ASTN2: variants seen among roughly 807,000 people sequenced by gnomAD.
ASTN2 encodes the protein astrotactin 2.
ASTN2 carries 54 observed loss-of-function variants against 139.8 expected under a neutral mutation model. The ratio of observed to expected loss-of-function variants is 0.39; its 90% confidence interval spans 0.31 to 0.48. ASTN2 has a LOEUF of 0.48. ASTN2 is among the 20% of genes least tolerant of loss of function. The pLI is 0.95. For synonymous variants in ASTN2, 756 were observed against 719.5 expected (o/e 1.05, Z -0.81); for missense variants, 1,565 against 1,725.1 (o/e 0.91, Z 1.64).
intron 16 of ASTN2, among the ~76,000 whole-genome samples, chr9:116,676,921 T>TA (rs1026603179): frequency 6.6e-6 from 1 of 152,156 alleles, no homozygotes; most frequent in African/African-American, 2.4e-5. Flanking sequence ...CTAAATCTTG[T>TA]AAAAAAGAAA....
intron 2 of ASTN2, among the ~76,000 whole-genome samples, chr9:117,266,059 A>G (rs1337767780): frequency 6.6e-6 from 1 of 152,206 alleles, no homozygotes; most frequent in Non-Finnish European, 1.5e-5. Context: ...ACCTACCCAG[A>G]TCCCTAGGTT....
chr9:117,166,945 T>C (rs1830683305), intron 3 of ASTN2, among the ~76,000 whole-genome samples: 1 of 152,174 alleles, frequency 6.6e-6, no homozygotes, highest in Non-Finnish European at 1.5e-5. Context: ...CTTCCTGCCA[T>C]ACTGGGCTGG....
intron 13 of ASTN2, among the ~76,000 whole-genome samples, chr9:116,772,794 A>C (rs1252246674): frequency 6.6e-6 from 1 of 152,174 alleles, no homozygotes; most frequent in East Asian, 1.9e-4. Flanking sequence ...GGCTGCAGTC[A>C]TCAGGACCTG....
rs1338555273 is a variant in ASTN2 at position 116,424,367 on chromosome 9, A to G, written c.*1484T>C. The stretch of plus-strand genomic sequence containing the variant: ...CCTGTAGTGAGAATGATTTTCTTAA[A>G]GAGTAAGTTGACTATTTAGTCATAT... On this transcript the variant is annotated 3_prime_UTR_variant, in exon 23 of 23. Coordinates refer to ENST00000313400, the MANE Select transcript of ASTN2 (RefSeq NM_001365068.1). 2.0e-5 allele frequency among the ~76,000 whole-genome samples: 3 copies of G among 150,488 alleles called. No individual in the cohort carries two copies. Among genetic ancestry groups the G allele is most frequent in the African/African-American group, 7.3e-5 (3 of 41,284 alleles).
chr9:116,857,407 C>T (rs1832768914), intron 11 of ASTN2, among the ~76,000 whole-genome samples: 2 of 152,292 alleles, frequency 1.3e-5, no homozygotes, highest in South Asian at 4.2e-4. Flanking sequence ...CAAGATTATG[C>T]TGCAATCCTG....
At chr9:117,398,868 G>A (rs929487828) in intron 1 of ASTN2, among the ~76,000 whole-genome samples, 2 of 152,092 alleles carry the variant, frequency 1.3e-5, no homozygotes, top group Non-Finnish European at 2.9e-5. Context: ...TGCAGCCTCC[G>A]CCTCCCGGGT....
chr9:116,817,839 C>T (rs777302200), intron 12 of ASTN2, among the ~76,000 whole-genome samples: 3 of 152,154 alleles, frequency 2.0e-5, no homozygotes, highest in Non-Finnish European at 2.9e-5. Flanking sequence ...CACAATGGTG[C>T]TACAATCACT....
At position 116,861,376 on chromosome 9, in the gene ASTN2, T is replaced by G. The variant is rs564101682; in HGVS notation, c.2040+2207A>C. 6.6e-5 allele frequency among the ~76,000 whole-genome samples: 10 copies of G among 152,254 alleles called. No individual in the cohort carries two copies. The South Asian group carries it at 2.1e-3, about 32-fold the overall frequency. On this transcript the variant is annotated intron_variant, in intron 11 of 22. Coordinates refer to ENST00000313400, the MANE Select transcript of ASTN2 (RefSeq NM_001365068.1). ...AAGAGGAAAGAGGCAGACAACTTAA[T>G]CCTTTGAAAAAGGTCAGCCTTACAT...
intron 1 of ASTN2, among the ~76,000 whole-genome samples, chr9:117,315,355 G>A (rs941235950): frequency 5.9e-5 from 9 of 152,274 alleles, no homozygotes; most frequent in African/African-American, 1.2e-4. Context: ...CACTGCCTGC[G>A]CACTCAGCTG....
chr9:116,565,563 A>G (rs1180177218), intron 19 of ASTN2, among the ~76,000 whole-genome samples: 1 of 150,018 alleles, frequency 6.7e-6, no homozygotes, highest in African/African-American at 2.5e-5. Flanking sequence ...CCGGACCCCA[A>G]GCTCAAGTGA....
At chr9:117,276,165 T>G (rs1356682533) in intron 2 of ASTN2, among the ~76,000 whole-genome samples, 1 of 152,208 alleles carries the variant, frequency 6.6e-6, no homozygotes, top group Non-Finnish European at 1.5e-5. Flanking sequence ...GCACCAAGTC[T>G]GTACTTAACA....
intron 10 of ASTN2, among the ~76,000 whole-genome samples, chr9:116,865,311 C>A (rs918106298): frequency 4.0e-5 from 6 of 150,074 alleles, no homozygotes; most frequent in African/African-American, 1.2e-4. Context: ...TCTCTACAAA[C>A]ATTTTTTAAA....
At chr9:116,758,165 A>C (rs1260482036) in intron 13 of ASTN2, among the ~76,000 whole-genome samples, 1 of 152,216 alleles carries the variant, frequency 6.6e-6, no homozygotes, top group East Asian at 1.9e-4. Flanking sequence ...AACTTTTAGA[A>C]GAGTGCCTGG....
chr9:117,137,465 A>C (rs1056007031), intron 4 of ASTN2, among the ~76,000 whole-genome samples: 1 of 152,136 alleles, frequency 6.6e-6, no homozygotes, highest in Non-Finnish European at 1.5e-5. Flanking sequence ...AGACCATCCT[A>C]TTTGGGATTT....
intron 3 of ASTN2, among the ~76,000 whole-genome samples, chr9:117,195,498 A>G (rs1330025168): frequency 1.3e-5 from 2 of 152,122 alleles, no homozygotes; most frequent in Non-Finnish European, 2.9e-5. Context: ...AGGAAGACCA[A>G]TAAGTAGGTA....
Position 116,808,697 on chromosome 9 carries a change from G to A in ASTN2, c.2208-2877C>T, listed in dbSNP as rs960743684. Among the ~76,000 whole-genome samples the A allele has an allele frequency of 2.6e-5, 4 of 152,120 alleles. No homozygotes were observed. The South Asian group carries it at 8.3e-4, about 32-fold the overall frequency. On this transcript the variant is annotated intron_variant, in intron 12 of 22. Coordinates refer to ENST00000313400, the MANE Select transcript of ASTN2 (RefSeq NM_001365068.1). Reference sequence around the variant, plus strand: ...AAAACAGATACTCAGAAAAGAAATTGCTTGGTTAATGTTTTATGAATTTTA... The same window carrying A: ...AAAACAGATACTCAGAAAAGAAATTACTTGGTTAATGTTTTATGAATTTTA...
intron 10 of ASTN2, among the ~76,000 whole-genome samples, chr9:116,879,523 A>G (rs1833396914): frequency 6.6e-6 from 1 of 152,212 alleles, no homozygotes; most frequent in Admixed American, 6.5e-5. Context: ...CAGTTTCCTC[A>G]TACATAAATC....
At chr9:117,187,960 C>T (rs569159623) in intron 3 of ASTN2, among the ~76,000 whole-genome samples, 1 of 152,162 alleles carries the variant, frequency 6.6e-6, no homozygotes, top group South Asian at 2.1e-4. Context: ...ATGTGACAAC[C>T]AAGGCTTGGA....
intron 3 of ASTN2, among the ~76,000 whole-genome samples, chr9:117,160,625 C>T (rs1322666006): frequency 6.6e-6 from 1 of 151,920 alleles, no homozygotes; most frequent in Admixed American, 6.6e-5. Context: ...CAAATGTATG[C>T]TAAATGAATA....
Sources: allele counts gnomAD v4.1 joint callset (sites outside exome capture counted in the v4.1 genomes callset), GRCh38; gene constraint gnomAD v4.1.1; transcripts MANE v1.5; gene names NCBI Gene and HGNC (gene_info 2026-07-23, HGNC 2026-07-21).